Variants in FBXO34 observed in about 807,000 individuals in gnomAD.
FBXO34 encodes the protein F-box protein 34, also known as F-box only protein 34.
Under a neutral mutation model 24.5 loss-of-function variants are expected in FBXO34, and 12 were observed. The observed-to-expected ratio is 0.49, with a 90% CI of 0.31 to 0.79. The LOEUF is 0.79. Ranked by LOEUF, FBXO34 falls within the 30% of genes least tolerant of loss-of-function variation. The pLI, the probability that FBXO34 is intolerant of heterozygous loss-of-function variation, is 0.04. For missense variants in FBXO34, 823 were observed against 857.7 expected (o/e 0.96, Z 0.51); for synonymous variants, 320 against 311.9 (o/e 1.03, Z -0.27).
chr14:55,421,058 C>T, the FBXO34 span, among the ~76,000 whole-genome samples: 1 of 59,120 alleles, frequency 1.7e-5, no homozygotes, highest in Non-Finnish European at 3.4e-5. Context: ...GAGAATCTGT[C>T]TCAAAAAAAA....
chr14:55,430,464 T>A, the FBXO34 span, among the ~76,000 whole-genome samples: 1 of 149,660 alleles, frequency 6.7e-6, no homozygotes, highest in African/African-American at 2.5e-5. Context: ...TGGAGTGCAG[T>A]GGCATGATCA....
downstream of FBXO34, among the ~76,000 whole-genome samples, chr14:55,354,319 ATC>A (rs1391697877): frequency 6.6e-6 from 1 of 152,200 alleles, no homozygotes; most frequent in Non-Finnish European, 1.5e-5. Context: ...TAAACTGGCC[ATC>A]TCAGTAGTGC....
chr14:55,279,373 T>C (rs10141552), intron 1 of FBXO34, among the ~76,000 whole-genome samples: 59,896 of 151,696 alleles, frequency 0.39, 12,088 homozygotes, highest in Non-Finnish European at 0.42. Flanking sequence ...GAGGTATCTG[T>C]AACGAAAGAT....
chr14:55,354,018 A>G (rs1884480775), downstream of FBXO34, among the ~76,000 whole-genome samples: 1 of 152,194 alleles, frequency 6.6e-6, no homozygotes, highest in South Asian at 2.1e-4. Context: ...AGTACCCACC[A>G]AAAAGCCTTG....
chr14:55,395,997 G>T, the FBXO34 span: 1 of 1,568,254 alleles, frequency 6.4e-7, no homozygotes, highest in Non-Finnish European at 8.6e-7. Context: ...GAGGAAAAGA[G>T]ACAGAAAATA....
rs1196373503 is a variant in FBXO34 at position 55,351,457 on chromosome 14, A to G, written c.1067A>G (p.Asp356Gly). The change falls in exon 2 of 2, where the codon GAT becomes GGT. Residue 356 changes from aspartate to glycine, a missense_variant. Asp to Gly is a moderately conservative substitution (Grantham distance 94, BLOSUM62 -1). Transcript: ENST00000313833. ...VSVDCGPSRADRCSPKEDQAW... is the reference protein window; with the variant it reads ...VSVDCGPSRAGRCSPKEDQAW... ...GTGGATTGTGGCCCTTCAAGAGCTG[A>G]TCGTTGTTCTCCTAAGGAGGACCAG... 1 of 1,614,150 alleles carries G rather than the reference A, an allele frequency of 6.2e-7. No homozygotes were observed. The highest frequency in any genetic ancestry group is 8.5e-7 in the Non-Finnish European group (1 of 1,180,026).
chr14:55,317,835 G>A (rs1034101698), intron 1 of FBXO34, among the ~76,000 whole-genome samples: 77 of 152,192 alleles, frequency 5.1e-4, no homozygotes, highest in African/African-American at 1.7e-3. Flanking sequence ...ACCTTACATC[G>A]TGATCCCTGG....
chr14:55,439,924 CTG>C, the FBXO34 span, among the ~76,000 whole-genome samples: 5 of 27,132 alleles, frequency 1.8e-4, no homozygotes, highest in Non-Finnish European at 3.2e-4. Context: ...GAGCGAGACT[CTG>C]TCTCAAAAAA....
In FBXO34 at chr14:55,331,821, CGGGGTGT is replaced by C. The variant is rs1883587637; in HGVS notation, c.-10-18559_-10-18553del. Among the ~76,000 whole-genome samples the C allele has an allele frequency of 4.0e-5, 2 of 49,468 alleles. 1 individual carries two copies. The highest frequency in any genetic ancestry group is 1.9e-4 in the African/African-American group (2 of 10,416). 32.5% of individuals were successfully genotyped at this position (49,468 alleles called of 152,430 possible). A position where few individuals can be genotyped will look rare whatever the true frequency, so the allele number is the denominator to read the frequency against. On this transcript the variant is annotated intron_variant, in intron 1 of 1. Transcript: ENST00000313833. ...ATAAATATATATATATATACACCAC[CGGGGTGT>C]ATATATAAAAATATATATATACACC...
exon 3 of FBXO34, chr14:55,367,997 C>G (rs1229071459): frequency 6.6e-6 from 1 of 152,598 alleles, no homozygotes; most frequent in African/African-American, 2.4e-5. Flanking sequence ...AATGATTTAT[C>G]AGAGGTGCTA....
intron 1 of FBXO34, among the ~76,000 whole-genome samples, chr14:55,344,388 ATC>A (rs750068816): frequency 5.3e-5 from 8 of 151,960 alleles, no homozygotes; most frequent in Non-Finnish European, 1.2e-4. Flanking sequence ...AAGAGTTGTT[ATC>A]TCTATCCAGA....
Position 55,350,694 on chromosome 14 carries a change from G to GA in FBXO34, c.306dup (p.Gly103ArgfsTer4), listed in dbSNP as rs775687061. 1 of 1,613,680 alleles carries GA rather than the reference G, an allele frequency of 6.2e-7. No individual in the cohort carries two copies. The highest frequency in any genetic ancestry group is 2.2e-5 in the East Asian group (1 of 44,882). ...TGCAACGATCCACCAGGGCGAAGAA[G>GA]AAGGACCACTTGATATCTGGGCTGT... is the stretch of plus-strand genomic sequence containing the variant. On this transcript the variant is annotated frameshift_variant, in exon 2 of 2. Transcript: ENST00000313833. LOFTEE classifies it low-confidence loss of function (END_TRUNC).
the FBXO34 span, among the ~76,000 whole-genome samples, chr14:55,421,139 C>G: frequency 0.012 from 1,790 of 151,132 alleles, 70 homozygotes; most frequent in Non-Finnish European, 7.9e-3. Flanking sequence ...TTAAAGAAAT[C>G]TATAATAGGA....
Position 55,350,663 on chromosome 14 carries a change from A to T in FBXO34, c.273A>T (p.Ala91=). ...SSLNVKTKKN[A]PSATIHQGEE... Reference sequence around the variant, plus strand: ...TGAATGTTAAAACCAAAAAGAATGCACCATCTGCAACGATCCACCAGGGCG... The same window carrying T: ...TGAATGTTAAAACCAAAAAGAATGCTCCATCTGCAACGATCCACCAGGGCG... The change falls in exon 2 of 2, where the codon GCA becomes GCT. Residue 91 remains alanine, a synonymous_variant. Transcript: ENST00000313833. 1 of 1,614,012 alleles carries T rather than the reference A, an allele frequency of 6.2e-7. No homozygotes were observed. The highest frequency in any genetic ancestry group is 1.1e-5 in the South Asian group (1 of 91,062).
intron 1 of FBXO34, among the ~76,000 whole-genome samples, chr14:55,305,446 C>T (rs1434609768): frequency 6.7e-6 from 1 of 149,980 alleles, no homozygotes; most frequent in Non-Finnish European, 1.5e-5. Flanking sequence ...AGTCCGGGTG[C>T]GGTGCGTGGT....
chr14:55,404,611 A>G, the FBXO34 span, among the ~76,000 whole-genome samples: 1 of 152,200 alleles, frequency 6.6e-6, no homozygotes, highest in African/African-American at 2.4e-5. Flanking sequence ...ATCTAGAGGG[A>G]GAGAACCTGG....
At chr14:55,317,402 C>G (rs1882968788) in intron 1 of FBXO34, among the ~76,000 whole-genome samples, 1 of 151,980 alleles carries the variant, frequency 6.6e-6, no homozygotes, top group African/African-American at 2.4e-5. Context: ...AGCCCTTGAG[C>G]CCGGGAAGGC....
At chr14:55,394,873 G>A in the FBXO34 span, 3 of 343,160 alleles carry the variant, frequency 8.7e-6, no homozygotes, top group Non-Finnish European at 1.7e-5. Context: ...GACAGTAAAA[G>A]CCTCCCACTA....
the FBXO34 span, chr14:55,433,739 A>C: frequency 1.9e-6 from 3 of 1,610,928 alleles, no homozygotes; most frequent in African/African-American, 1.3e-5. Context: ...CAGAAACCAA[A>C]AGAGAATTAG....
Sources: allele counts gnomAD v4.1 joint callset (sites outside exome capture counted in the v4.1 genomes callset), GRCh38; gene constraint gnomAD v4.1.1; transcripts MANE v1.5; gene names NCBI Gene and HGNC (gene_info 2026-07-23, HGNC 2026-07-21).